The following LRP2 variants were observed in gnomAD, a reference collection of about 807,000 sequenced individuals.
The protein encoded by LRP2 is low-density lipoprotein receptor-related protein 2.
In LRP2, 172 loss-of-function variants were observed where a neutral mutation model predicts 531.0. The ratio of observed to expected loss-of-function variants is 0.32; its 90% confidence interval spans 0.29 to 0.37. The LOEUF (loss-of-function observed/expected upper bound fraction) is 0.37, where lower values mean the gene tolerates loss of function less well. LRP2 is among the 10% of genes least tolerant of loss of function. The probability of loss-of-function intolerance (pLI) is 1.00; values close to 1 mark genes in which losing one functional copy is unlikely to be tolerated. For missense variants in LRP2, 5,167 were observed against 5,868.3 expected (o/e 0.88, Z 3.90); for synonymous variants, 1,992 against 2,027.6 (o/e 0.98, Z 0.47).
At chr2:169,214,113 T>C (rs1474853907) in intron 35 of LRP2, among the ~76,000 whole-genome samples, 1 of 152,088 alleles carries the variant, frequency 6.6e-6, no homozygotes. Flanking sequence ...AGTCAACCTT[T>C]TCAGGTGGCA....
intron 1 of LRP2, among the ~76,000 whole-genome samples, chr2:169,336,273 C>T (rs184960130): frequency 6.6e-6 from 1 of 151,482 alleles, no homozygotes; most frequent in African/African-American, 2.4e-5. Flanking sequence ...CGCAGTGGCT[C>T]ATGCCTGTAA....
intron 34 of LRP2, among the ~76,000 whole-genome samples, 177 bp from the exon 35 acceptor site, chr2:169,216,607 T>G (rs947821557): frequency 6.6e-6 from 1 of 152,196 alleles, no homozygotes; most frequent in Admixed American, 6.5e-5. Flanking sequence ...GTTCTACCAA[T>G]GTCGGTATAT....
intron 46 of LRP2, among the ~76,000 whole-genome samples, chr2:169,196,082 G>A (rs919640269): frequency 1.3e-5 from 2 of 152,164 alleles, no homozygotes; most frequent in Non-Finnish European, 2.9e-5. Flanking sequence ...AAGGCAGTAT[G>A]AAGACAAGGA....
At chr2:169,281,985 G>A (rs1247500082) in intron 10 of LRP2, among the ~76,000 whole-genome samples, 2 of 152,016 alleles carry the variant, frequency 1.3e-5, no homozygotes, top group African/African-American at 2.4e-5. Flanking sequence ...CCATGCAGAG[G>A]GGAATAGTTA....
chr2:169,129,705 G>A (rs1306945733), intron 77 of LRP2, among the ~76,000 whole-genome samples: 3 of 152,144 alleles, frequency 2.0e-5, no homozygotes, highest in Non-Finnish European at 4.4e-5. Context: ...CTGAGTCACA[G>A]CAAGATTATA....
At chr2:169,283,666 A>G (rs766894592) in intron 9 of LRP2, among the ~76,000 whole-genome samples, 8 of 152,210 alleles carry the variant, frequency 5.3e-5, no homozygotes, top group South Asian at 2.1e-4. Context: ...TCAAAAAATT[A>G]TAACCAAAAT....
intron 3 of LRP2, among the ~76,000 whole-genome samples, chr2:169,308,212 T>C (rs141763764): frequency 4.5e-4 from 68 of 152,166 alleles, no homozygotes; most frequent in African/African-American, 1.6e-3. Context: ...CTTCTTTTTT[T>C]TATAATTCCT....
chr2:169,289,215 C>A (rs972019094), intron 8 of LRP2, 70 bp from the exon 9 acceptor site: 1 of 1,592,080 alleles, frequency 6.3e-7, no homozygotes, highest in Non-Finnish European at 8.6e-7. Context: ...CTAATAGCTT[C>A]TTTTTCCATG....
chr2:169,311,914 T>G (rs1479326737), intron 3 of LRP2, among the ~76,000 whole-genome samples: 1 of 152,218 alleles, frequency 6.6e-6, no homozygotes, highest in Non-Finnish European at 1.5e-5. Context: ...TTTAGGATAG[T>G]TAGCTCTTCT....
At chr2:169,298,793 C>G (rs1684196460) in intron 4 of LRP2, among the ~76,000 whole-genome samples, 1 of 151,610 alleles carries the variant, frequency 6.6e-6, no homozygotes, top group Non-Finnish European at 1.5e-5. Flanking sequence ...GAAGGAGTAC[C>G]AGGACAAACA....
chr2:169,206,493 G>T lies in LRP2; in HGVS notation c.7227C>A (p.Ser2409Arg), dbSNP rs963561778. The T allele has an allele frequency of 1.2e-6, 2 of 1,614,212 alleles. No individual in the cohort carries two copies. Residue 2409 changes from serine to arginine, a missense_variant, in exon 39 of 79, where the codon AGC (serine) becomes AGA (arginine). Ser to Arg is a moderately radical substitution (Grantham distance 110, BLOSUM62 -1). Coordinates refer to ENST00000649046, the MANE Select transcript of LRP2 (RefSeq NM_004525.3). ...RSLHLDPENH[S>R]PPFQTINVER... Reference sequence around the variant, plus strand: ...CCACATTTATTGTTTGGAAAGGTGGGCTATGGTTTTCAGGGTCCAAGTGTA... The same window carrying T: ...CCACATTTATTGTTTGGAAAGGTGGTCTATGGTTTTCAGGGTCCAAGTGTA...
chr2:169,157,089 A>T (rs552474593), intron 64 of LRP2, among the ~76,000 whole-genome samples: 2 of 152,308 alleles, frequency 1.3e-5, no homozygotes, highest in Admixed American at 1.3e-4. Context: ...ACACTGGTGC[A>T]ATAAGCAGCC....
Position 169,198,859 on chromosome 2 carries a change from A to G in LRP2, c.8505T>C (p.Cys2835=), listed in dbSNP as rs140925226. Residue 2835 remains cysteine, a synonymous_variant, in exon 45 of 79, where the codon TGT becomes TGC. Coordinates refer to ENST00000649046, the MANE Select transcript of LRP2 (RefSeq NM_004525.3). Reference sequence around the variant, plus strand: ...CGTCACACAAATAAACGCGAGGAATACAAATATTTGAATTATGACATTTTG... The same window carrying G: ...CGTCACACAAATAAACGCGAGGAATGCAAATATTTGAATTATGACATTTTG... ...GYTKCHNSNI[C]IPRVYLCDGD... 72 of 1,613,794 alleles carry G rather than the reference A, an allele frequency of 4.5e-5. 1 individual carries two copies. In the African/African-American group the frequency reaches 8.0e-4, roughly 18 times the overall value.
At chr2:169,156,565 T>C (rs569914229) in intron 64 of LRP2, among the ~76,000 whole-genome samples, 160 bp from the exon 65 acceptor site, 6 of 152,352 alleles carry the variant, frequency 3.9e-5, no homozygotes, top group African/African-American at 1.2e-4. Context: ...AAGTTTCAGA[T>C]ACTGTTTCAC....
Position 169,157,479 on chromosome 2 carries a change from C to T in LRP2, c.11911G>A (p.Ala3971Thr), listed in dbSNP as rs768126581. 1.2e-6 allele frequency: 2 copies of T among 1,613,048 alleles called. No homozygotes were observed. The change falls in exon 64 of 79, where the codon GCT becomes ACT. Residue 3971 changes from alanine to threonine, a missense_variant. This residue lies in a region of LRP2 where 564 missense variants were observed against 747.7 expected (regional missense o/e 0.75). Transcript: ENST00000649046. ...GCNKGKERTC[A>T]ENICEQNCTQ... ...CAATTTTGCTCGCATATATTTTCAG[C>T]ACATGTTCTTTCTTTTCCTTTATCT... is the stretch of plus-strand genomic sequence containing the variant.
intron 68 of LRP2, among the ~76,000 whole-genome samples, chr2:169,148,966 G>T (rs893623013): frequency 4.6e-5 from 7 of 152,158 alleles, no homozygotes; most frequent in African/African-American, 1.2e-4. Context: ...TCAACATTCA[G>T]TTCAGTGCTA....
Position 169,206,608 on chromosome 2 carries a change from G to A in LRP2, c.7112C>T (p.Ala2371Val). The A allele has an allele frequency of 1.4e-5, 22 of 1,614,110 alleles. No individual in the cohort carries two copies. Among genetic ancestry groups the A allele is most frequent in the Non-Finnish European group, 1.8e-5 (21 of 1,180,028 alleles). The change falls in exon 39 of 79, where the codon GCC (alanine) becomes GTC (valine). Residue 2371 changes from alanine to valine, a missense_variant. Transcript: ENST00000649046. ...PGLHTPKCDC[A>V]FGTLQSDGKN... ...GCCATCACTTTGCAGGGTCCCAAAG[G>A]CACAGTCACATTTTGGGGTGTGCAA...
At chr2:169,265,660 G>C (rs34964076) in intron 16 of LRP2, among the ~76,000 whole-genome samples, 6,666 of 152,032 alleles carry the variant, frequency 0.044, 148 homozygotes, top group African/African-American at 0.049. Flanking sequence ...CCTGTACCCA[G>C]CCAAACAGTC....
chr2:169,243,975 G>C (rs1311438752), intron 22 of LRP2, among the ~76,000 whole-genome samples: 1 of 152,190 alleles, frequency 6.6e-6, no homozygotes, highest in Non-Finnish European at 1.5e-5. Flanking sequence ...CTAAAAACCA[G>C]GGTCCTACCT....
Sources: gnomAD v4.1 joint callset for allele counts (sites outside exome capture counted in the v4.1 genomes callset) on GRCh38, gnomAD v4.1.1 for gene constraint, gnomAD v4.1.1 regional missense constraint, MANE v1.5 for transcripts, NCBI Gene and HGNC (gene_info 2026-07-23, HGNC 2026-07-21) for gene names.